ARMH3: variants seen among roughly 807,000 people sequenced by gnomAD.
The protein encoded by ARMH3 is armadillo like helical domain containing 3.
A neutral mutation model predicts 99.1 loss-of-function variants in ARMH3; 60 were observed. The ratio of observed to expected loss-of-function variants is 0.61; its 90% confidence interval spans 0.49 to 0.75. The LOEUF (loss-of-function observed/expected upper bound fraction) is 0.75, where lower values mean the gene tolerates loss of function less well. Among genes scored for constraint, ARMH3 ranks in the 30% least tolerant of loss-of-function variants. The pLI, the probability that ARMH3 is intolerant of heterozygous loss-of-function variation, is 0.00. For synonymous variants in ARMH3, 285 were observed against 292.8 expected (o/e 0.97, Z 0.27); for missense variants, 679 against 843.1 (o/e 0.81, Z 2.41).
At chr10:102,046,544 C>T (rs1328605542) in intron 1 of ARMH3, among the ~76,000 whole-genome samples, 1 of 151,994 alleles carries the variant, frequency 6.6e-6, no homozygotes, top group Non-Finnish European at 1.5e-5. Flanking sequence ...CTCAGCTACT[C>T]GAGAGGCTGA....
chr10:101,847,705 G>A, intron 25 of ARMH3, 85 bp from the exon 26 acceptor site: 1 of 1,221,808 alleles, frequency 8.2e-7, no homozygotes, highest in Non-Finnish European at 1.2e-6. Context: ...AGAGGACAGT[G>A]CCTGCTACAC....
intron 20 of ARMH3, among the ~76,000 whole-genome samples, chr10:101,967,868 G>C (rs1474447064): frequency 6.6e-6 from 1 of 152,146 alleles, no homozygotes; most frequent in East Asian, 1.9e-4. Flanking sequence ...GGCTCTGGCT[G>C]TATGCTATCA....
chr10:101,926,610 T>C (rs1843517103), intron 23 of ARMH3, among the ~76,000 whole-genome samples: 1 of 152,160 alleles, frequency 6.6e-6, no homozygotes, highest in Non-Finnish European at 1.5e-5. Context: ...GTACCCTAGA[T>C]ATAGAATGGA....
intron 22 of ARMH3, among the ~76,000 whole-genome samples, chr10:101,942,842 G>A (rs1169419668): frequency 6.0e-5 from 9 of 149,780 alleles, no homozygotes; most frequent in Non-Finnish European, 1.0e-4. Flanking sequence ...CTCCAGCCTA[G>A]GCAACAGAGC....
chr10:101,947,145 C>G (rs557853107), intron 22 of ARMH3, among the ~76,000 whole-genome samples: 1 of 151,900 alleles, frequency 6.6e-6, no homozygotes, highest in African/African-American at 2.4e-5. Context: ...TGAAATCACC[C>G]CACTGCACTC....
At chr10:101,949,607 C>T (rs73342881) in intron 22 of ARMH3, among the ~76,000 whole-genome samples, 3,087 of 152,152 alleles carry the variant, frequency 0.02, 105 homozygotes, top group African/African-American at 0.069. Flanking sequence ...AAACTCCAGA[C>T]GCAGTGGCTT....
intron 24 of ARMH3, 36 bp from the exon 25 acceptor site, chr10:101,849,928 A>AC (rs767041086): frequency 1.9e-6 from 3 of 1,585,484 alleles, no homozygotes; most frequent in Non-Finnish European, 1.7e-6. Context: ...GGCTTAGGCC[A>AC]TGCAAATCCC....
chr10:102,056,022 T>C (rs2067844881), intron 1 of ARMH3, 63 bp downstream of exon 1: 1 of 152,300 alleles, frequency 6.6e-6, no homozygotes, highest in African/African-American at 2.4e-5. Flanking sequence ...AGGCCTAGTA[T>C]GGCAGGACCC....
intron 23 of ARMH3, among the ~76,000 whole-genome samples, chr10:101,907,685 G>C (rs1164221437): frequency 6.6e-6 from 1 of 151,988 alleles, no homozygotes; most frequent in Non-Finnish European, 1.5e-5. Flanking sequence ...TGCTGGGCCG[G>C]GATAATAGTT....
At chr10:102,009,551 T>C in intron 12 of ARMH3, 102 bp from the exon 13 acceptor site, 1 of 1,007,036 alleles carries the variant, frequency 9.9e-7, no homozygotes, top group Non-Finnish European at 1.5e-6. Flanking sequence ...CGCCTCATTA[T>C]CAATTCCTTT....
chr10:102,055,620 A>G (rs1590253115), intron 1 of ARMH3, among the ~76,000 whole-genome samples: 1 of 152,168 alleles, frequency 6.6e-6, no homozygotes, highest in South Asian at 2.1e-4. Flanking sequence ...GAGGGACAGG[A>G]CTGGAGCCCT....
At chr10:101,895,318 C>T (rs2067798236) in intron 23 of ARMH3, among the ~76,000 whole-genome samples, 2 of 146,752 alleles carry the variant, frequency 1.4e-5, no homozygotes, top group South Asian at 2.2e-4. Context: ...CTCGCTCTGT[C>T]GCCCAGGCTG....
intron 19 of ARMH3, among the ~76,000 whole-genome samples, chr10:101,987,653 A>G (rs1432987173): frequency 1.3e-5 from 2 of 152,170 alleles, no homozygotes; most frequent in East Asian, 3.9e-4. Flanking sequence ...TAGGTTATAC[A>G]TGATACTATG....
intron 24 of ARMH3, among the ~76,000 whole-genome samples, chr10:101,854,696 G>C (rs1165330544): frequency 2.6e-5 from 4 of 152,136 alleles, no homozygotes; most frequent in African/African-American, 4.8e-5. Flanking sequence ...AAGAACATAG[G>C]ATTGAGGTCA....
intron 22 of ARMH3, among the ~76,000 whole-genome samples, chr10:101,942,546 T>C (rs903094554): frequency 1.3e-5 from 2 of 152,152 alleles, no homozygotes; most frequent in African/African-American, 4.8e-5. Flanking sequence ...AACAGGAAGA[T>C]TAAGTGTGTG....
chr10:101,875,974 C>G (rs907931545), intron 24 of ARMH3, among the ~76,000 whole-genome samples: 1 of 152,062 alleles, frequency 6.6e-6, no homozygotes, highest in Non-Finnish European at 1.5e-5. Context: ...TCTGGCTTGG[C>G]GCAGTGGTTC....
chr10:101,957,641 G>A lies in ARMH3; in HGVS notation c.1578+9C>T. The A allele has an allele frequency of 6.2e-7, 1 of 1,600,614 alleles. No homozygotes were observed. The highest frequency in any genetic ancestry group is 8.5e-7 in the Non-Finnish European group (1 of 1,174,814). ...CTTCAGAAAAAGAAGTATTTGTTTT[G>A]ATACTCACCATAAGGGCTAATGTAA... On this transcript the variant is annotated intron_variant, in intron 21 of 25. Transcript: ENST00000370033.
chr10:102,047,460 C>G (rs11191195), intron 1 of ARMH3, among the ~76,000 whole-genome samples: 1 of 151,516 alleles, frequency 6.6e-6, no homozygotes, highest in Non-Finnish European at 1.5e-5. Flanking sequence ...AATTCTTAAG[C>G]CTTCCTACCA....
In ARMH3 at chr10:102,039,993, A is replaced by G. The variant is rs778289759; in HGVS notation, c.102+20T>C. On this transcript the variant is annotated intron_variant, in intron 2 of 25. Coordinates refer to ENST00000370033, the MANE Select transcript of ARMH3 (RefSeq NM_024541.3). ...GAAACTAAAGACTCAAGCTGTACAC[A>G]ACAAGGCCGCAGGCCTTACCATGAA... The G allele has an allele frequency of 4.4e-6, 7 of 1,597,106 alleles. No homozygotes were observed. Among genetic ancestry groups the G allele is most frequent in the Non-Finnish European group, 3.4e-6 (4 of 1,164,504 alleles).
Sources: allele counts gnomAD v4.1 joint callset (sites outside exome capture counted in the v4.1 genomes callset), GRCh38; gene constraint gnomAD v4.1.1; transcripts MANE v1.5; gene names NCBI Gene and HGNC (gene_info 2026-07-23, HGNC 2026-07-21).